Variants in TLCD2 observed in about 807,000 individuals in gnomAD.
The protein encoded by TLCD2 is TLC domain containing 2, also known as TLC domain-containing protein 2.
Under a neutral mutation model 14.0 loss-of-function variants are expected in TLCD2, and 12 were observed. That is an observed-to-expected ratio of 0.86 (90% confidence interval 0.55 to 1.39). The LOEUF (loss-of-function observed/expected upper bound fraction) is 1.39, where lower values mean the gene tolerates loss of function less well. Ranked by LOEUF, TLCD2 falls within the 40% of genes most tolerant of loss-of-function variation. TLCD2 has a pLI of 0.00. For missense variants in TLCD2, 360 were observed against 346.8 expected, an observed-to-expected ratio of 1.04 and a Z score of -0.30; for synonymous variants, 166 against 156.5, an observed-to-expected ratio of 1.06 and a Z score of -0.45.
In TLCD2 at chr17:1,705,116, T is replaced by C. The variant is rs924433070; in HGVS notation, c.*2654A>G. On this transcript the variant is annotated 3_prime_UTR_variant, in exon 4 of 4. Coordinates refer to ENST00000330676, the MANE Select transcript of TLCD2 (RefSeq NM_001164407.2). ...TGACACCCCTGATTCTGACTTGTCC[T>C]TATCTTCCTACCAGTCTCTGCCGAC... is the stretch of plus-strand genomic sequence containing the variant. The C allele has an allele frequency of 2.6e-5, 4 of 152,246 alleles. No homozygotes were observed. Among genetic ancestry groups the C allele is most frequent in the Non-Finnish European group, 5.9e-5 (4 of 68,098 alleles). 9.4% of individuals were successfully genotyped at this position (152,246 alleles called of 1,614,324 possible). A position where few individuals can be genotyped will look rare whatever the true frequency, so the allele number is the denominator to read the frequency against.
At chr17:1,709,715 C>T in intron 2 of TLCD2, 89 bp downstream of exon 2, 1 of 1,214,296 alleles carries the variant, frequency 8.2e-7, no homozygotes, top group Non-Finnish European at 1.2e-6. Context: ...GTTTAACCCC[C>T]ATGGGGGCGG....
At position 1,704,223 on chromosome 17, in the gene TLCD2, CAAAAAAAAAA is replaced by C. The variant is rs749559707; in HGVS notation, c.*3537_*3546del. On this transcript the variant is annotated 3_prime_UTR_variant, in exon 4 of 4. Transcript: ENST00000330676. The stretch of plus-strand genomic sequence containing the variant: ...CTGGGCAGCAAGAATGAAACTGTCT[CAAAAAAAAAA>C]AAAAAAAAAGAAGAAAAGAAAGAAA... 1 of 89,200 alleles carries C rather than the reference CAAAAAAAAAA, an allele frequency of 1.1e-5. No individual in the cohort carries two copies. Among genetic ancestry groups the C allele is most frequent in the Non-Finnish European group, 2.0e-5 (1 of 51,256 alleles). The allele number at this position is 89,200 out of a possible 1,614,324, so 5.5% of individuals were successfully genotyped here.
chr17:1,706,696 C>A lies in TLCD2; in HGVS notation c.*1074G>T, dbSNP rs1319825073. ...GTGGGAGGCAGGAGAATTGCTTGAG[C>A]CTGGGAGGCAGAGATTGCAGTGAGC... On this transcript the variant is annotated 3_prime_UTR_variant, in exon 4 of 4. Transcript: ENST00000330676. 1 of 149,214 alleles carries A rather than the reference C, an allele frequency of 6.7e-6. No homozygotes were observed. The highest frequency in any genetic ancestry group is 1.5e-5 in the Non-Finnish European group (1 of 67,628). 9.2% of individuals were successfully genotyped at this position (149,214 alleles called of 1,614,324 possible).
At chr17:1,708,479 CTTTTTTTTT>C (rs70956738) in intron 3 of TLCD2, among the ~76,000 whole-genome samples, 1 of 47,872 alleles carries the variant, frequency 2.1e-5, no homozygotes, top group African/African-American at 6.8e-5. Context: ...GGCTTGCTTG[CTTTTTTTTT>C]TTTTTTTTTT....
At chr17:1,708,698 T>A (rs1156539992) in intron 3 of TLCD2, among the ~76,000 whole-genome samples, 1 of 152,034 alleles carries the variant, frequency 6.6e-6, no homozygotes, top group Non-Finnish European at 1.5e-5. Flanking sequence ...TTAGTCAGGA[T>A]GGTCTCGATC....
In TLCD2 at chr17:1,710,087, C is replaced by T. The variant is rs545416366; in HGVS notation, c.156G>A (p.Ser52=). The change falls in exon 1 of 4, where the codon TCG becomes TCA. Residue 52 remains serine (S), a synonymous_variant. Transcript: ENST00000330676. The surrounding 1 kb of genome is among the most constrained non-coding windows in gnomAD (Gnocchi z 6.1). ...CGCACCCGAGCAGCGCCCCGGTCCC[C>T]GAGAGCAGGCTGTGCGCCAGGGAGA... The part of the protein sequence containing the change: ...LCVSLAHSLL[S]GTGALLGLSL... 6 of 1,533,272 alleles carry T rather than the reference C, an allele frequency of 3.9e-6. No individual in the cohort carries two copies. The highest frequency in any genetic ancestry group is 1.4e-5 in the African/African-American group (1 of 73,034). 95.0% of individuals were successfully genotyped at this position (1,533,272 alleles called of 1,614,324 possible). A position where few individuals can be genotyped will look rare whatever the true frequency, so the allele number is the denominator to read the frequency against.
Position 1,708,035 on chromosome 17 carries a change from C to A in TLCD2, c.530G>T (p.Arg177Leu). 6.5e-7 allele frequency: 1 copy of A among 1,537,216 alleles called. No individual in the cohort carries two copies. Among genetic ancestry groups the A allele is most frequent in the Non-Finnish European group, 8.7e-7 (1 of 1,146,920 alleles). ...ACTCATCCACCCCAGCGGGACCAGG[C>A]GGAAGAGGGCCAAGGTGGCCAAGGA... ...WASLATLALF[R>L]LVPLGWMSLW... is the part of the protein sequence containing the mutation. The change falls in exon 4 of 4, where the codon CGC becomes CTC. Residue 177 changes from arginine (R) to leucine (L), a missense_variant. Coordinates refer to ENST00000330676, the MANE Select transcript of TLCD2 (RefSeq NM_001164407.2).
At chr17:1,708,872 ACACCTGTGGGGG>A (rs1469493196) in intron 3 of TLCD2, among the ~76,000 whole-genome samples, 2 of 152,276 alleles carry the variant, frequency 1.3e-5, no homozygotes, top group East Asian at 3.9e-4. Context: ...GATCAGCTGG[ACACCTGTGGGGG>A]CACCCAAACT....
At position 1,705,863 on chromosome 17, in the gene TLCD2, C is replaced by T. The variant is rs1415842199; in HGVS notation, c.*1907G>A. ...TTAATCTGCTGGGCACTTCCCGTCACCTCGATGTTCTGGGAAGGAAGGGGT... is the reference window on the plus strand; with the variant it reads ...TTAATCTGCTGGGCACTTCCCGTCATCTCGATGTTCTGGGAAGGAAGGGGT... On this transcript the variant is annotated 3_prime_UTR_variant, in exon 4 of 4. Transcript: ENST00000330676. The T allele has an allele frequency of 6.6e-6, 1 of 152,174 alleles. No individual in the cohort carries two copies. Among genetic ancestry groups the T allele is most frequent in the African/African-American group, 2.4e-5 (1 of 41,426 alleles). 9.4% of individuals were successfully genotyped at this position (152,174 alleles called of 1,614,324 possible).
In TLCD2 at chr17:1,710,336, T is replaced by TGGGGCCCCGGCTCCCC. The variant is rs1323065394; in HGVS notation, c.-110_-95dup. The TGGGGCCCCGGCTCCCC allele has an allele frequency of 1.5e-5, 18 of 1,185,778 alleles. No individual in the cohort carries two copies. The highest frequency in any genetic ancestry group is 1.9e-5 in the Non-Finnish European group (17 of 896,186). 73.5% of individuals were successfully genotyped at this position (1,185,778 alleles called of 1,614,324 possible). Reference sequence around the variant, plus strand: ...CTGGGAACCCGTTTCCCGGCAGGGCTGGGGCCCCGGCTCCCCTCCCCGCCG... The same window carrying TGGGGCCCCGGCTCCCC: ...CTGGGAACCCGTTTCCCGGCAGGGCTGGGGCCCCGGCTCCCCGGGGCCCCGGCTCCCCTCCCCGCCG... On this transcript the variant is annotated 5_prime_UTR_variant, in exon 1 of 4. Transcript: ENST00000330676. This position sits in a 1 kb window ranked among gnomAD's most constrained non-coding sequence, Gnocchi z 6.1.
chr17:1,709,986 G>C, intron 1 of TLCD2, 81 bp downstream of exon 1: 1 of 1,514,870 alleles, frequency 6.6e-7, no homozygotes, highest in South Asian at 1.2e-5. Context: ...TCTCAGCTCT[G>C]GAGACGCCCG....
intron 1 of TLCD2, 29 bp from the exon 2 acceptor site, chr17:1,709,915 G>GC (rs1246359776): frequency 2.3e-5 from 35 of 1,522,994 alleles, no homozygotes; most frequent in Middle Eastern, 4.5e-4. Context: ...GACATGGGGG[G>GC]GGGCATGGTC....
intron 3 of TLCD2, 108 bp downstream of exon 3, chr17:1,709,391 A>G: frequency 1.2e-5 from 1 of 85,114 alleles, no homozygotes; most frequent in Admixed American, 1.6e-4. Context: ...CTCCGTCTCA[A>G]AAAAAAAAAA....
At position 1,710,039 on chromosome 17, in the gene TLCD2, C is replaced by A. The variant is rs376374908; in HGVS notation, c.176+28G>T. The stretch of plus-strand genomic sequence containing the variant: ...AGCCTCCCACCCCTCGCCCTCGCCC[C>A]GTGCGCCTCGAGCCCCCAAGCCCGC... On this transcript the variant is annotated intron_variant, in intron 1 of 3. Coordinates refer to ENST00000330676, the MANE Select transcript of TLCD2 (RefSeq NM_001164407.2). The surrounding 1 kb of genome is among the most constrained non-coding windows in gnomAD (Gnocchi z 6.1). The A allele has an allele frequency of 2.0e-6, 3 of 1,530,634 alleles. No individual in the cohort carries two copies. Among genetic ancestry groups the A allele is most frequent in the Non-Finnish European group, 2.6e-6 (3 of 1,145,068 alleles). 94.8% of individuals were successfully genotyped at this position (1,530,634 alleles called of 1,614,324 possible). A position where few individuals can be genotyped will look rare whatever the true frequency, so the allele number is the denominator to read the frequency against.
rs1339260766 is a variant in TLCD2, at chr17:1,708,113, A to G, written c.452T>C (p.Leu151Pro). 2 of 1,537,080 alleles carry G rather than the reference A, an allele frequency of 1.3e-6. No homozygotes were observed. The highest frequency in any genetic ancestry group is 4.9e-5 in the East Asian group (2 of 40,912). ...GGATGGGGCCTGGCGAGAAAGCAAC[A>G]GCAGCTTCCGCAGGTGCAAGCAGGC... ...NSACLHLRKL[L>P]LLSRQAPSLA... The change falls in exon 4 of 4, where the codon CTG becomes CCG. Residue 151 changes from leucine (L) to proline (P), a missense_variant. By Grantham distance (98) the Leu-to-Pro change is moderately conservative (BLOSUM62 -3). Transcript: ENST00000330676.
rs1028875016 is a variant in TLCD2 at position 1,703,388 on chromosome 17, ACTATCTAT to A, written c.*4374_*4381del. The A allele has an allele frequency of 6.6e-6, 1 of 152,024 alleles. No individual in the cohort carries two copies. The highest frequency in any genetic ancestry group is 2.4e-5 in the African/African-American group (1 of 41,398). The allele number at this position is 152,024 out of a possible 1,614,324, so 9.4% of individuals were successfully genotyped here. On this transcript the variant is annotated 3_prime_UTR_variant, in exon 4 of 4. Transcript: ENST00000330676. ...AAGTTCTTGGGCAGCCTTCATAGAC[ACTATCTAT>A]CTATCTATCTGTCTATTTATTTATT...
At position 1,710,291 on chromosome 17, in the gene TLCD2, G is replaced by A. The variant is rs2151146195; in HGVS notation, c.-49C>T. 3 of 1,411,366 alleles carry A rather than the reference G, an allele frequency of 2.1e-6. No homozygotes were observed. The highest frequency in any genetic ancestry group is 2.8e-6 in the Non-Finnish European group (3 of 1,087,484). 87.4% of individuals were successfully genotyped at this position (1,411,366 alleles called of 1,614,324 possible). ...GGGAGTCCGGGTCGGTCCCCTCGGCGCCCGCGCTCTCGGCCGGGACTGGGA... is the reference window on the plus strand; with the variant it reads ...GGGAGTCCGGGTCGGTCCCCTCGGCACCCGCGCTCTCGGCCGGGACTGGGA... On this transcript the variant is annotated 5_prime_UTR_variant, in exon 1 of 4. Transcript: ENST00000330676. This position sits in a 1 kb window ranked among gnomAD's most constrained non-coding sequence, Gnocchi z 6.1.
chr17:1,708,543 G>A (rs1428329524), intron 3 of TLCD2, among the ~76,000 whole-genome samples: 1 of 139,286 alleles, frequency 7.2e-6, no homozygotes, highest in Non-Finnish European at 1.5e-5. Flanking sequence ...CTGGAGTGCA[G>A]TGGTGTGATC....
At chr17:1,709,726 G>A in intron 2 of TLCD2, 78 bp downstream of exon 2, 1 of 1,236,370 alleles carries the variant, frequency 8.1e-7, no homozygotes, top group Non-Finnish European at 1.1e-6. Context: ...ATGGGGGCGG[G>A]GAATGGACCT....
Sources: gnomAD v4.1 joint callset for allele counts (sites outside exome capture counted in the v4.1 genomes callset) on GRCh38, gnomAD v4.1.1 for gene constraint, Gnocchi (gnomAD v3.1) non-coding constraint, MANE v1.5 for transcripts, NCBI Gene and HGNC (gene_info 2026-07-23, HGNC 2026-07-21) for gene names.